The following CHID1 variants were observed in gnomAD, a reference collection of about 807,000 sequenced individuals.
CHID1 encodes chitinase domain containing 1.
Under a neutral mutation model 55.4 loss-of-function variants are expected in CHID1, and 44 were observed. That is an observed-to-expected ratio of 0.79 (90% CI 0.62 to 1.02). CHID1 has a LOEUF of 1.02. CHID1 is among the 50% of genes least tolerant of loss of function. The pLI is 0.00. For synonymous variants in CHID1, 216 were observed against 212.9 expected (o/e 1.01, Z -0.13); for missense variants, 491 against 515.3 (o/e 0.95, Z 0.46).
In CHID1 at chr11:892,135, G is replaced by C. The variant is rs182036089; in HGVS notation, c.701+1292C>G. Reference sequence around the variant, plus strand: ...ATCTCAAAAAAAAAGAAAAAGAAAAGAAAAAGACGCAGCGTGGGGGCCCCA... The same window carrying C: ...ATCTCAAAAAAAAAGAAAAAGAAAACAAAAAGACGCAGCGTGGGGGCCCCA... On this transcript the variant is annotated intron_variant, in intron 8 of 12. Coordinates refer to ENST00000323578, the MANE Select transcript of CHID1 (RefSeq NM_023947.4). Among the ~76,000 whole-genome samples the C allele has an allele frequency of 4.2e-3, 637 of 152,148 alleles. 3 individuals carry two copies. Among genetic ancestry groups the C allele is most frequent in the African/African-American group, 0.015 (612 of 41,502 alleles).
chr11:870,649 G>A, intron 10 of CHID1, 150 bp from the exon 11 acceptor site: 3 of 622,408 alleles, frequency 4.8e-6, no homozygotes, highest in East Asian at 5.5e-5. Context: ...CTGGTGGGGT[G>A]GCCAGAGCCC....
intron 1 of CHID1, among the ~76,000 whole-genome samples, chr11:910,032 C>T (rs918885613): frequency 1.3e-5 from 2 of 151,654 alleles, no homozygotes; most frequent in Non-Finnish European, 2.9e-5. Context: ...GCACTCCAGC[C>T]TGGGTGACAG....
intron 9 of CHID1, among the ~76,000 whole-genome samples, chr11:883,621 C>T (rs1051017817): frequency 6.6e-6 from 1 of 152,232 alleles, no homozygotes. Flanking sequence ...CACCCAGGGC[C>T]AGGCACTCAT....
chr11:890,469 C>G (rs1850721803), intron 8 of CHID1, among the ~76,000 whole-genome samples: 1 of 152,224 alleles, frequency 6.6e-6, no homozygotes, highest in South Asian at 2.1e-4. Flanking sequence ...CCCCGCCCAC[C>G]TCAGAGTGGA....
chr11:870,047 A>G (rs1341866401), intron 12 of CHID1, 74 bp downstream of exon 12: 5 of 1,605,190 alleles, frequency 3.1e-6, no homozygotes, highest in Non-Finnish European at 4.3e-6. Flanking sequence ...CACCGCCTGG[A>G]CCCCAGGCCA....
chr11:910,812 G>A (rs959097281), upstream of CHID1: 61 of 1,103,630 alleles, frequency 5.5e-5, no homozygotes, highest in African/African-American at 6.1e-4. Flanking sequence ...CAAACGCACG[G>A]CCGGAAAACG....
upstream of CHID1, chr11:911,589 C>CA (rs1852691661): frequency 6.6e-6 from 1 of 152,264 alleles, no homozygotes; most frequent in African/African-American, 2.4e-5. Context: ...GCGTGGGCTC[C>CA]AAGACACCCT....
chr11:893,276 G>C, intron 8 of CHID1, 151 bp downstream of exon 8: 2 of 595,956 alleles, frequency 3.4e-6, no homozygotes, highest in East Asian at 3.0e-5. Context: ...CAGGGGCACA[G>C]AGTGTGTGGC....
Position 899,997 on chromosome 11 carries a change from G to T in CHID1, c.546+7C>A. ...GCTCAGAGGCTGGAGCAGCACACAG[G>T]TCTCACCTTTGCCACCTGGACCACG... On this transcript the variant is annotated splice_region_variant and intron_variant, in intron 6 of 12. Transcript: ENST00000323578. 1 of 1,606,350 alleles carries T rather than the reference G, an allele frequency of 6.2e-7. No homozygotes were observed. The highest frequency in any genetic ancestry group is 8.5e-7 in the Non-Finnish European group (1 of 1,173,184).
intron 8 of CHID1, among the ~76,000 whole-genome samples, chr11:888,833 T>C (rs1379125679): frequency 9.4e-5 from 13 of 137,952 alleles, no homozygotes; most frequent in East Asian, 4.3e-4. Flanking sequence ...CCCACACCAA[T>C]GCCAGTGCCT....
At chr11:910,391 C>T (rs1011312578) in intron 1 of CHID1, among the ~76,000 whole-genome samples, 2 of 152,164 alleles carry the variant, frequency 1.3e-5, no homozygotes, top group Non-Finnish European at 2.9e-5. Context: ...CTCACACACT[C>T]CTCACCCGCC....
chr11:875,438 T>G lies in CHID1; in HGVS notation c.960-4939A>C, dbSNP rs1008367928. ...CCTGCACCTGGCCCCATTGGGGATG[T>G]GCTCAGGAGCTGCTGCTAGTCAGCC... On this transcript the variant is annotated intron_variant, in intron 10 of 12. Coordinates refer to ENST00000323578, the MANE Select transcript of CHID1 (RefSeq NM_023947.4). The surrounding 1 kb of genome is among the most constrained non-coding windows in gnomAD (Gnocchi z 4.7). Among the ~76,000 whole-genome samples, 15 of 152,226 alleles carry G rather than the reference T, an allele frequency of 9.9e-5. No individual in the cohort carries two copies. Among genetic ancestry groups the G allele is most frequent in the Non-Finnish European group, 1.5e-5 (1 of 68,036 alleles).
rs555886472 is a variant in CHID1 at position 876,758 on chromosome 11, A to T, written c.960-6259T>A. 1.4e-4 allele frequency among the ~76,000 whole-genome samples: 21 copies of T among 152,284 alleles called. No homozygotes were observed. In the East Asian group the frequency reaches 3.1e-3, roughly 22 times the overall value. ...TGTGAGCGAGTCTTGGCAGCCGTTTATTTATTCCAGCCTTGCGGGAGGTGG... is the reference window on the plus strand; with the variant it reads ...TGTGAGCGAGTCTTGGCAGCCGTTTTTTTATTCCAGCCTTGCGGGAGGTGG... On this transcript the variant is annotated intron_variant, in intron 10 of 12. Transcript: ENST00000323578.
upstream of CHID1, among the ~76,000 whole-genome samples, chr11:911,874 G>A (rs1348520837): frequency 6.6e-6 from 1 of 152,212 alleles, no homozygotes; most frequent in African/African-American, 2.4e-5. Flanking sequence ...AGTCGGCAGA[G>A]CTCTGGAGAG....
In CHID1 at chr11:878,226, C is replaced by T. The variant is rs183649989; in HGVS notation, c.959+4922G>A. 5.9e-4 allele frequency among the ~76,000 whole-genome samples: 90 copies of T among 152,278 alleles called. 1 individual carries two copies. The East Asian group carries it at 0.014, about 23-fold the overall frequency. The stretch of plus-strand genomic sequence containing the variant: ...GTCAGGAGTTTGAGACCAGCCTGGC[C>T]GACATAGCAAAACCCTGTCTCTACT... On this transcript the variant is annotated intron_variant, in intron 10 of 12. Transcript: ENST00000323578.
chr11:901,734 G>A (rs976439193), intron 4 of CHID1, among the ~76,000 whole-genome samples: 2 of 152,128 alleles, frequency 1.3e-5, no homozygotes, highest in South Asian at 2.1e-4. Context: ...TGGACCACAC[G>A]CAGACCTGGG....
At chr11:904,668 G>T (rs370963274) in intron 2 of CHID1, 38 bp downstream of exon 2, 1 of 1,611,146 alleles carries the variant, frequency 6.2e-7, no homozygotes, top group South Asian at 1.1e-5. Flanking sequence ...TCAGCCCTCA[G>T]CCAGTACAGT....
intron 7 of CHID1, among the ~76,000 whole-genome samples, chr11:895,744 C>G (rs9704267): frequency 0.42 from 64,047 of 152,072 alleles, 14,826 homozygotes; most frequent in Admixed American, 0.52. Context: ...TGGCACAATG[C>G]GGGCTGGGGT....
At chr11:910,711 T>G (rs1852608188) in intron 1 of CHID1, 64 bp downstream of exon 1, 2 of 1,255,662 alleles carry the variant, frequency 1.6e-6, no homozygotes, top group Non-Finnish European at 2.1e-6. Context: ...CGCGCCCACT[T>G]TGCGGGAGGG....
Sources: allele counts gnomAD v4.1 joint callset (sites outside exome capture counted in the v4.1 genomes callset), GRCh38; gene constraint gnomAD v4.1.1; non-coding constraint Gnocchi (gnomAD v3.1); transcripts MANE v1.5; gene names NCBI Gene and HGNC (gene_info 2026-07-23, HGNC 2026-07-21).